The following KCNJ16 variants were observed in gnomAD, a reference collection of about 807,000 sequenced individuals.
KCNJ16 encodes inward rectifier potassium channel 16.
KCNJ16 carries 15 observed loss-of-function variants against 18.5 expected under a neutral mutation model. That is an observed-to-expected ratio of 0.81 (90% CI 0.54 to 1.25). The LOEUF is 1.25. Ranked by LOEUF, KCNJ16 falls within the 50% of genes most tolerant of loss-of-function variation. The pLI is 0.00. For synonymous variants in KCNJ16, 174 were observed against 186.5 expected (o/e 0.93, Z 0.55); for missense variants, 523 against 525.7 (o/e 0.99, Z 0.05).
chr17:70,088,308 C>T (rs530922420), intron 1 of KCNJ16, among the ~76,000 whole-genome samples: 45 of 152,272 alleles, frequency 3.0e-4, no homozygotes, highest in Middle Eastern at 3.4e-3. Flanking sequence ...AACCTAGATC[C>T]CTCGGATGTG....
At chr17:70,092,549 TATAG>T (rs1387554623) in intron 1 of KCNJ16, among the ~76,000 whole-genome samples, 10 of 121,924 alleles carry the variant, frequency 8.2e-5, no homozygotes, top group African/African-American at 3.1e-4. Flanking sequence ...TATAGATAGA[TATAG>T]ATAGATGATA....
At chr17:70,092,999 T>C (rs918185613) in intron 1 of KCNJ16, among the ~76,000 whole-genome samples, 1 of 152,288 alleles carries the variant, frequency 6.6e-6, no homozygotes, top group South Asian at 2.1e-4. Context: ...CCAGAAGTAA[T>C]GTTTTACCAG....
At chr17:70,101,942 TTA>T (rs1478542890) in intron 2 of KCNJ16, 3 of 152,190 alleles carry the variant, frequency 2.0e-5, no homozygotes, top group East Asian at 1.9e-4. Context: ...TTTCTATAGT[TTA>T]TGTTGTTTTA....
chr17:70,080,942 T>G (rs952690897), intron 1 of KCNJ16, among the ~76,000 whole-genome samples: 2 of 152,232 alleles, frequency 1.3e-5, no homozygotes, highest in Non-Finnish European at 2.9e-5. Context: ...AAACTAGGGC[T>G]TAATAGCTCT....
chr17:70,118,609 G>T (rs1417735066), intron 2 of KCNJ16, among the ~76,000 whole-genome samples: 1 of 152,022 alleles, frequency 6.6e-6, no homozygotes, highest in Non-Finnish European at 1.5e-5. Flanking sequence ...GCAAGTGAGA[G>T]AGAGAATTGA....
At chr17:70,131,463 A>G in intron 3 of KCNJ16, 2 of 999,204 alleles carry the variant, frequency 2.0e-6, no homozygotes, top group Non-Finnish European at 2.4e-6. Flanking sequence ...AAGAGAGAGC[A>G]AGCACCAGGT....
chr17:70,089,561 CAT>C (rs1179686908), intron 1 of KCNJ16, among the ~76,000 whole-genome samples: 4 of 152,076 alleles, frequency 2.6e-5, no homozygotes, highest in Admixed American at 1.3e-4. Flanking sequence ...GTGAAAAAAA[CAT>C]AATGCCTGCA....
At chr17:70,094,472 A>G (rs1015040663) in intron 1 of KCNJ16, among the ~76,000 whole-genome samples, 4 of 152,310 alleles carry the variant, frequency 2.6e-5, no homozygotes, top group African/African-American at 9.6e-5. Context: ...AGAAATTGTA[A>G]AAGTTGAAAG....
intron 1 of KCNJ16, among the ~76,000 whole-genome samples, chr17:70,094,080 T>A (rs374866683): frequency 1.3e-5 from 2 of 152,216 alleles, no homozygotes; most frequent in Non-Finnish European, 2.9e-5. Context: ...TTGGTATTGA[T>A]GCAATGGCTC....
At chr17:70,108,677 C>T (rs78274349) in intron 2 of KCNJ16, among the ~76,000 whole-genome samples, 3,441 of 152,114 alleles carry the variant, frequency 0.023, 139 homozygotes, top group African/African-American at 0.078. Context: ...AAATATCTCC[C>T]AATAAACCAG....
chr17:70,127,554 C>T (rs907949561), intron 2 of KCNJ16, among the ~76,000 whole-genome samples: 3 of 152,076 alleles, frequency 2.0e-5, no homozygotes, highest in African/African-American at 7.2e-5. Context: ...CACCCAAAGC[C>T]CACCCATATG....
At chr17:70,083,951 G>A (rs980685044) in intron 1 of KCNJ16, among the ~76,000 whole-genome samples, 5 of 151,970 alleles carry the variant, frequency 3.3e-5, no homozygotes, top group Admixed American at 1.3e-4. Context: ...CATGGCTTTC[G>A]AGCCTCCAAC....
chr17:70,115,828 T>C (rs9892291), intron 2 of KCNJ16, among the ~76,000 whole-genome samples: 8,795 of 152,224 alleles, frequency 0.058, 818 homozygotes, highest in African/African-American at 0.2. Context: ...TGTCACTATA[T>C]TTGTTTTTGT....
intron 1 of KCNJ16, among the ~76,000 whole-genome samples, chr17:70,085,176 C>T (rs147441523): frequency 6.6e-6 from 1 of 152,240 alleles, no homozygotes; most frequent in East Asian, 1.9e-4. Context: ...TTTCGTGGAC[C>T]ATATACCACT....
Position 70,135,489 on chromosome 17 carries a change from A to C in KCNJ16, c.*2145A>C, listed in dbSNP as rs1391468424. The C allele has an allele frequency of 6.0e-6, 1 of 167,060 alleles. No homozygotes were observed. The highest frequency in any genetic ancestry group is 2.4e-5 in the African/African-American group (1 of 41,430). 10.3% of individuals were successfully genotyped at this position (167,060 alleles called of 1,614,324 possible). A position where few individuals can be genotyped will look rare whatever the true frequency, so the allele number is the denominator to read the frequency against. The stretch of plus-strand genomic sequence containing the variant: ...GTAATCAAATGCTTGTACTCAGAAG[A>C]GAGTGTAAAATCAGCATTTCTATGT... On this transcript the variant is annotated 3_prime_UTR_variant, in exon 4 of 4. Transcript: ENST00000392671.
At chr17:70,128,893 G>A (rs1377390977) in intron 2 of KCNJ16, 2 of 152,254 alleles carry the variant, frequency 1.3e-5, no homozygotes, top group Non-Finnish European at 2.9e-5. Flanking sequence ...ATGAGTATGC[G>A]GCAGGGGTTT....
chr17:70,104,332 A>G (rs1842428344), intron 2 of KCNJ16, among the ~76,000 whole-genome samples: 1 of 152,198 alleles, frequency 6.6e-6, no homozygotes, highest in Admixed American at 6.5e-5. Flanking sequence ...CAAATGAACA[A>G]ACAGCAAAAC....
At chr17:70,109,275 A>C (rs935421102) in intron 2 of KCNJ16, among the ~76,000 whole-genome samples, 14 of 152,310 alleles carry the variant, frequency 9.2e-5, no homozygotes, top group African/African-American at 3.1e-4. Context: ...TTATCTTTAA[A>C]AAGGGGATAA....
At chr17:70,097,533 T>A (rs1050979325) in intron 1 of KCNJ16, among the ~76,000 whole-genome samples, 9 of 152,062 alleles carry the variant, frequency 5.9e-5, no homozygotes, top group Non-Finnish European at 8.8e-5. Context: ...ACATACATAT[T>A]CTATTAGATT....
Sources: allele counts gnomAD v4.1 joint callset (sites outside exome capture counted in the v4.1 genomes callset), GRCh38; gene constraint gnomAD v4.1.1; transcripts MANE v1.5; gene names NCBI Gene and HGNC (gene_info 2026-07-23, HGNC 2026-07-21).